RAP1B: variants seen among roughly 807,000 people sequenced by gnomAD.
RAP1B encodes the protein ras-related protein Rap-1b.
In RAP1B, 1 loss-of-function variant was observed where a neutral mutation model predicts 27.5. The ratio of observed to expected loss-of-function variants is 0.04; its 90% confidence interval spans 0.01 to 0.17. The LOEUF is 0.17. Ranked by LOEUF, RAP1B falls within the 10% of genes least tolerant of loss-of-function variation. The pLI, the probability that RAP1B is intolerant of heterozygous loss-of-function variation, is 1.00. For synonymous variants in RAP1B, 75 were observed against 73.1 expected, an observed-to-expected ratio of 1.03 and a Z score of -0.13; for missense variants, 84 against 214.8, an observed-to-expected ratio of 0.39 and a Z score of 3.81.
intron 5 of RAP1B, among the ~76,000 whole-genome samples, chr12:68,654,800 C>T (rs570827330): frequency 7.9e-5 from 12 of 152,246 alleles, no homozygotes; most frequent in African/African-American, 2.4e-4. Context: ...TTAGGTGCCC[C>T]TTCAGAGTCT....
rs144451896 is a variant in RAP1B, at chr12:68,637,490, G to A, written c.-26-11209G>A. 9.2e-3 allele frequency among the ~76,000 whole-genome samples: 1,390 copies of A among 150,984 alleles called. 11 individuals are homozygous for A. The highest frequency in any genetic ancestry group is 0.019 in the South Asian group (93 of 4,784). On this transcript the variant is annotated intron_variant, in intron 1 of 7. Transcript: ENST00000250559. ...CACGCACCTGTAATCCCAGCTGCTC[G>A]GGAGGCTGAGAGAGGAGAATCAGTT...
chr12:68,628,561 A>G (rs907348021), intron 1 of RAP1B, among the ~76,000 whole-genome samples: 2 of 152,192 alleles, frequency 1.3e-5, no homozygotes, highest in Non-Finnish European at 2.9e-5. Flanking sequence ...TCAAAGGGAT[A>G]TTTATGTGAA....
chr12:68,626,270 A>G (rs1871772283), intron 1 of RAP1B, among the ~76,000 whole-genome samples: 1 of 152,200 alleles, frequency 6.6e-6, no homozygotes, highest in Non-Finnish European at 1.5e-5. Context: ...ATCTACTAAC[A>G]CTAAAGTTCC....
chr12:68,650,963 A>G (rs1873773093), intron 3 of RAP1B: 1 of 152,362 alleles, frequency 6.6e-6, no homozygotes. Flanking sequence ...TACATAATGA[A>G]ATAGAATGGG....
chr12:68,650,760 C>G (rs749163442), intron 3 of RAP1B: 9 of 176,184 alleles, frequency 5.1e-5, no homozygotes, highest in Non-Finnish European at 7.1e-5. Context: ...CCTAGCAAGA[C>G]TGATTACTCT....
intron 6 of RAP1B, among the ~76,000 whole-genome samples, chr12:68,656,805 C>CA (rs1414495344): frequency 1.3e-5 from 2 of 152,114 alleles, no homozygotes; most frequent in African/African-American, 4.8e-5. Context: ...TGTTGTAGAG[C>CA]AAAAACTTAC....
chr12:68,651,459 AC>A (rs1165729562), intron 3 of RAP1B, among the ~76,000 whole-genome samples: 1 of 152,096 alleles, frequency 6.6e-6, no homozygotes, highest in Non-Finnish European at 1.5e-5. Context: ...AATTCTAAAT[AC>A]CTATTTTTCC....
At chr12:68,642,664 A>G (rs1873102088) in intron 1 of RAP1B, 1 of 1,137,018 alleles carries the variant, frequency 8.8e-7, no homozygotes, top group South Asian at 1.2e-5. Context: ...CATATTCTAC[A>G]ATCCTGGCCT....
intron 1 of RAP1B, among the ~76,000 whole-genome samples, chr12:68,644,121 A>G (rs553390173): frequency 4.6e-5 from 7 of 152,330 alleles, no homozygotes; most frequent in Non-Finnish European, 8.8e-5. Flanking sequence ...GACAATGCCA[A>G]TATTACAGGA....
chr12:68,659,358 C>A lies in RAP1B; in HGVS notation c.*109C>A. The A allele has an allele frequency of 2.2e-6, 1 of 451,942 alleles. No homozygotes were observed. The highest frequency in any genetic ancestry group is 1.6e-5 in the South Asian group (1 of 63,608). 28.0% of individuals were successfully genotyped at this position (451,942 alleles called of 1,614,324 possible). On this transcript the variant is annotated 3_prime_UTR_variant, in exon 8 of 8. Coordinates refer to ENST00000250559, the MANE Select transcript of RAP1B (RefSeq NM_001010942.3). ...CCTACCAACATCTTAAATGGACTTT[C>A]CTGTGGTGGTACCCTTTAAGAGGCG...
rs1339000420 is a variant in RAP1B, at chr12:68,671,756, G to A, written c.*12507G>A. 2 of 151,916 alleles carry A rather than the reference G, an allele frequency of 1.3e-5. No individual in the cohort carries two copies. Among genetic ancestry groups the A allele is most frequent in the African/African-American group, 4.8e-5 (2 of 41,326 alleles). The allele number at this position is 151,916 out of a possible 1,614,324, so 9.4% of individuals were successfully genotyped here. A position where few individuals can be genotyped will look rare whatever the true frequency, so the allele number is the denominator to read the frequency against. ...AAAAAACAGGATGACTCGTCTAGAAGAGACATTGTCAGTAACAAGTAAATA... is the reference window on the plus strand; with the variant it reads ...AAAAAACAGGATGACTCGTCTAGAAAAGACATTGTCAGTAACAAGTAAATA... On this transcript the variant is annotated 3_prime_UTR_variant, in exon 8 of 8. Transcript: ENST00000250559.
intron 1 of RAP1B, among the ~76,000 whole-genome samples, chr12:68,645,868 A>G (rs1248459832): frequency 6.6e-6 from 1 of 152,252 alleles, no homozygotes; most frequent in Non-Finnish European, 1.5e-5. Context: ...GGTAACAGAA[A>G]TACCCTGATA....
At chr12:68,613,025 A>G (rs946768109) in intron 1 of RAP1B, among the ~76,000 whole-genome samples, 6 of 152,158 alleles carry the variant, frequency 3.9e-5, no homozygotes, top group Non-Finnish European at 7.3e-5. Context: ...CCAATGCTAA[A>G]CTGACTTAAT....
rs1874797877 is a variant in RAP1B at position 68,665,184 on chromosome 12, G to A, written c.*5935G>A. 1 of 152,202 alleles carries A rather than the reference G, an allele frequency of 6.6e-6. No individual in the cohort carries two copies. The highest frequency in any genetic ancestry group is 1.5e-5 in the Non-Finnish European group (1 of 68,052). 9.4% of individuals were successfully genotyped at this position (152,202 alleles called of 1,614,324 possible). A position where few individuals can be genotyped will look rare whatever the true frequency, so the allele number is the denominator to read the frequency against. ...AGAATCGGATGGGTATGGTACAGCAGGTAGTTATGGGGAGACCTCTACTGT... is the reference window on the plus strand; with the variant it reads ...AGAATCGGATGGGTATGGTACAGCAAGTAGTTATGGGGAGACCTCTACTGT... On this transcript the variant is annotated 3_prime_UTR_variant, in exon 8 of 8. Transcript: ENST00000250559.
At chr12:68,654,351 TGG>T in intron 5 of RAP1B, 99 bp downstream of exon 5, 3 of 164,040 alleles carry the variant, frequency 1.8e-5, no homozygotes, top group African/African-American at 2.7e-5. Flanking sequence ...GTATTTTGGT[TGG>T]GGGGGGGGTG....
In RAP1B at chr12:68,653,948, AAATGCC is replaced by A. The variant is rs59419556; in HGVS notation, c.184-160_184-155del. On this transcript the variant is annotated intron_variant, in intron 4 of 7. Transcript: ENST00000250559. ...CCGTCTCAAAAAAAAAAAGAAACTA[AAATGCC>A]AATTTTTTCAAATAGTATCTTGTCA... Among the ~76,000 whole-genome samples, 5 of 152,218 alleles carry A rather than the reference AAATGCC, an allele frequency of 3.3e-5. No individual in the cohort carries two copies. In the East Asian group the frequency reaches 9.6e-4, roughly 29 times the overall value.
In RAP1B at chr12:68,652,033, C is replaced by T. The variant is rs146904901; in HGVS notation, c.165C>T (p.Ile55=). 11 of 1,612,688 alleles carry T rather than the reference C, an allele frequency of 6.8e-6. No individual in the cohort carries two copies. The African/African-American group carries it at 1.5e-4, about 22-fold the overall frequency. The change falls in exon 4 of 8, where the codon ATC becomes ATT. Residue 55 remains isoleucine (I), a synonymous_variant. Transcript: ENST00000250559. ...EVDAQQCMLE[I]LDTAGTEQFT... ...ATGCACAACAGTGTATGCTTGAAATCTTGGATACTGCAGGAACGGTAGGTA... is the reference window on the plus strand; with the variant it reads ...ATGCACAACAGTGTATGCTTGAAATTTTGGATACTGCAGGAACGGTAGGTA...
intron 6 of RAP1B, 106 bp downstream of exon 6, chr12:68,656,555 G>T: frequency 9.1e-7 from 1 of 1,096,948 alleles, no homozygotes; most frequent in Non-Finnish European, 1.3e-6. Context: ...GTAATATGTT[G>T]ATGTTACAGG....
chr12:68,651,247 A>G (rs1873794386), intron 3 of RAP1B, among the ~76,000 whole-genome samples: 1 of 152,232 alleles, frequency 6.6e-6, no homozygotes, highest in African/African-American at 2.4e-5. Flanking sequence ...ACAGCATGTG[A>G]CAATAAAACA....
Sources: gnomAD v4.1 joint callset for allele counts (sites outside exome capture counted in the v4.1 genomes callset) on GRCh38, gnomAD v4.1.1 for gene constraint, MANE v1.5 for transcripts, NCBI Gene and HGNC (gene_info 2026-07-23, HGNC 2026-07-21) for gene names.